ENOSF1: variants seen among roughly 807,000 people sequenced by gnomAD.
The protein encoded by ENOSF1 is mitochondrial enolase superfamily member 1.
Under a neutral mutation model 68.2 loss-of-function variants are expected in ENOSF1, and 73 were observed. The observed-to-expected ratio is 1.07, with a 90% CI of 0.89 to 1.30. The LOEUF is 1.30. Ranked by LOEUF, ENOSF1 falls within the 50% of genes most tolerant of loss-of-function variation. ENOSF1 has a pLI of 0.00. For synonymous variants in ENOSF1, 223 were observed against 210.4 expected, an observed-to-expected ratio of 1.06 and a Z score of -0.52; for missense variants, 589 against 554.5, an observed-to-expected ratio of 1.06 and a Z score of -0.62.
At chr18:677,570 A>C in intron 13 of ENOSF1, 126 bp from the exon 14 acceptor site, 1 of 1,275,372 alleles carries the variant, frequency 7.8e-7, no homozygotes, top group South Asian at 1.5e-5. Context: ...TTAGGAAGGA[A>C]ATTCCAAGAT....
Position 691,110 on chromosome 18 carries a change from GAAGAAATAA to G in ENOSF1, c.497-13_497-5del. The G allele has an allele frequency of 6.2e-7, 1 of 1,613,990 alleles. No individual in the cohort carries two copies. Among genetic ancestry groups the G allele is most frequent in the Non-Finnish European group, 8.5e-7 (1 of 1,179,926 alleles). ...ATTTGACCTTTCTGCAGTATTTCTGGAAGAAATAAAAAGCATCACTCACTCTTTTAGGAA... is the reference window on the plus strand; with the variant it reads ...ATTTGACCTTTCTGCAGTATTTCTGGAAAGCATCACTCACTCTTTTAGGAA... On this transcript the variant is annotated splice_polypyrimidine_tract_variant and splice_region_variant and intron_variant, in intron 6 of 15. Coordinates refer to ENST00000647584, the MANE Select transcript of ENOSF1 (RefSeq NM_017512.7).
the ENOSF1 span, among the ~76,000 whole-genome samples, chr18:664,088 A>G: frequency 1.4e-5 from 2 of 146,972 alleles, no homozygotes; most frequent in African/African-American, 2.6e-5. Context: ...ATGGCATTGA[A>G]TCTATAAATT....
chr18:665,500 G>A (rs1432391815), downstream of ENOSF1, among the ~76,000 whole-genome samples: 3 of 143,260 alleles, frequency 2.1e-5, no homozygotes, highest in East Asian at 2.2e-4. Context: ...AGGGTTTTTT[G>A]TGTCTCTATT....
intron 2 of ENOSF1, among the ~76,000 whole-genome samples, chr18:700,529 T>C (rs1378493842): frequency 1.3e-5 from 2 of 152,212 alleles, no homozygotes; most frequent in Non-Finnish European, 2.9e-5. Context: ...TATGTATTCA[T>C]CTACAGTGTA....
chr18:671,217 G>C lies in ENOSF1; in HGVS notation c.*3088C>G. 1 of 641,816 alleles carries C rather than the reference G, an allele frequency of 1.6e-6. No homozygotes were observed. Among genetic ancestry groups the C allele is most frequent in the Non-Finnish European group, 2.7e-6 (1 of 364,608 alleles). The allele number at this position is 641,816 out of a possible 1,614,324, so 39.8% of individuals were successfully genotyped here. ...GAGGTCTGGAGTTCAATACCAGCCT[G>C]GGCAACATAACAAGATGCTGTTGCT... On this transcript the variant is annotated 3_prime_UTR_variant, in exon 16 of 16. Coordinates refer to ENST00000647584, the MANE Select transcript of ENOSF1 (RefSeq NM_017512.7).
At chr18:668,413 C>T (rs2074900268), downstream of ENOSF1, among the ~76,000 whole-genome samples, 1 of 152,180 alleles carries the variant, frequency 6.6e-6, no homozygotes, top group Admixed American at 6.5e-5. Context: ...AGTTCCATCT[C>T]AGAAGGAAGG....
rs376721481 is a variant in ENOSF1, at chr18:683,343, G to A, written c.779C>T (p.Ala260Val). 37 of 1,613,950 alleles carry A rather than the reference G, an allele frequency of 2.3e-5. No homozygotes were observed. Among genetic ancestry groups the A allele is most frequent in the East Asian group, 1.1e-4 (5 of 44,856 alleles). ...DANQRWDVPE[A>V]VEWMSKLAKF... ...GGCCAGCTTGGACATCCACTCCACC[G>A]CCTCAGGCACATCCCAGCGCTGGTT... The change falls in exon 11 of 16, where the codon GCG (alanine) becomes GTG (valine). Residue 260 changes from alanine (A) to valine (V), a missense_variant. Coordinates refer to ENST00000647584, the MANE Select transcript of ENOSF1 (RefSeq NM_017512.7).
At chr18:666,778 C>G (rs922709295), downstream of ENOSF1, among the ~76,000 whole-genome samples, 18 of 152,230 alleles carry the variant, frequency 1.2e-4, no homozygotes, top group African/African-American at 4.3e-4. Context: ...TAGGCAAGTT[C>G]TTAAAGGCAG....
downstream of ENOSF1, chr18:669,044 C>G (rs748360699): frequency 1.3e-6 from 2 of 1,565,636 alleles, no homozygotes; most frequent in Non-Finnish European, 1.8e-6. Flanking sequence ...ATGTATGTAC[C>G]TGTCCTCTCT....
intron 1 of ENOSF1, among the ~76,000 whole-genome samples, chr18:707,851 T>TTTATTA (rs142922567): frequency 8.7e-5 from 13 of 150,104 alleles, no homozygotes; most frequent in Non-Finnish European, 1.6e-4. Flanking sequence ...TAAATAATGT[T>TTTATTA]TTATTATTAT....
chr18:704,246 T>C (rs2741166), intron 2 of ENOSF1, among the ~76,000 whole-genome samples: 69,479 of 151,622 alleles, frequency 0.46, 15,918 homozygotes, highest in African/African-American at 0.52. Context: ...TGACCAAACA[T>C]GGTGAAACCT....
rs759183180 is a variant in ENOSF1, at chr18:677,784, T to C, written c.1007A>G (p.Asn336Ser). ...QIDSCRLGSVNENLSVLLMAK... is the reference protein window; with the variant it reads ...QIDSCRLGSVSENLSVLLMAK... ...CATCAGCAATACTGAGAGGTTCTCATTGACACTGCCCAGTCTGCAACTGTC... is the reference window on the plus strand; with the variant it reads ...CATCAGCAATACTGAGAGGTTCTCACTGACACTGCCCAGTCTGCAACTGTC... Residue 336 changes from asparagine (N) to serine (S), a missense_variant, in exon 13 of 16, where the codon AAT becomes AGT. Physicochemically the swap from Asn to Ser is conservative, Grantham distance 46 (BLOSUM62 1). Transcript: ENST00000647584. 7.5e-5 allele frequency: 121 copies of C among 1,614,046 alleles called. No homozygotes were observed. Among genetic ancestry groups the C allele is most frequent in the Admixed American group, 4.0e-4 (24 of 60,008 alleles).
chr18:694,583 G>A (rs929649362), intron 3 of ENOSF1, among the ~76,000 whole-genome samples: 20 of 148,688 alleles, frequency 1.3e-4, no homozygotes, highest in Non-Finnish European at 2.2e-4. Context: ...AGCCAAGATC[G>A]CACCACTACA....
chr18:694,099 C>T (rs2077479013), intron 4 of ENOSF1, 149 bp downstream of exon 4: 3 of 1,048,498 alleles, frequency 2.9e-6, no homozygotes, highest in Non-Finnish European at 2.8e-6. Flanking sequence ...TACCTACTGC[C>T]AAAACCTCTC....
intron 7 of ENOSF1, 140 bp from the exon 8 acceptor site, chr18:690,771 T>G: frequency 7.2e-7 from 1 of 1,389,168 alleles, no homozygotes; most frequent in Non-Finnish European, 9.5e-7. Flanking sequence ...CAGCCACAAA[T>G]TACTAGGATG....
intron 11 of ENOSF1, among the ~76,000 whole-genome samples, chr18:681,417 G>A (rs1253953309): frequency 6.6e-6 from 1 of 152,228 alleles, no homozygotes; most frequent in Non-Finnish European, 1.5e-5. Flanking sequence ...GGAGCTTCCT[G>A]TGAGATGCTC....
chr18:690,396 C>G (rs756137297), intron 8 of ENOSF1, among the ~76,000 whole-genome samples, 153 bp downstream of exon 8: 1 of 152,166 alleles, frequency 6.6e-6, no homozygotes, highest in African/African-American at 2.4e-5. Flanking sequence ...TTGGTGTCCA[C>G]AGAGAAGTGG....
At position 677,438 on chromosome 18, in the gene ENOSF1, A is replaced by G; in HGVS notation, c.1055T>C (p.Val352Ala). 1 of 1,612,398 alleles carries G rather than the reference A, an allele frequency of 6.2e-7. No homozygotes were observed. Among genetic ancestry groups the G allele is most frequent in the Non-Finnish European group, 8.5e-7 (1 of 1,179,638 alleles). The part of the protein sequence containing the change: ...LLMAKKFEIP[V>A]CPHAGGVGLC... ...GCCAACTCCACCAGCATGGGGGCAA[A>G]CAGGAACTAAAAGGAAATCGTTTCT... The change falls in exon 14 of 16, where the codon GTT becomes GCT. Residue 352 changes from valine to alanine, a missense_variant. Val to Ala is a moderately conservative substitution (Grantham distance 64). Transcript: ENST00000647584.
At position 691,176 on chromosome 18, in the gene ENOSF1, G is replaced by A. The variant is rs373158774; in HGVS notation, c.496+28C>T. On this transcript the variant is annotated intron_variant, in intron 6 of 15. Coordinates refer to ENST00000647584, the MANE Select transcript of ENOSF1 (RefSeq NM_017512.7). ...CATGCCACTACTGTGTGTGCACGTCGTGTATCCCAGAAAGCTTCCAAACTC... is the reference window on the plus strand; with the variant it reads ...CATGCCACTACTGTGTGTGCACGTCATGTATCCCAGAAAGCTTCCAAACTC... The A allele has an allele frequency of 2.4e-5, 39 of 1,613,176 alleles. 2 individuals are homozygous for A. The African/African-American group carries it at 3.6e-4, about 15-fold the overall frequency.
Sources: allele counts gnomAD v4.1 joint callset (sites outside exome capture counted in the v4.1 genomes callset), GRCh38; gene constraint gnomAD v4.1.1; transcripts MANE v1.5; gene names NCBI Gene and HGNC (gene_info 2026-07-23, HGNC 2026-07-21).